QTMAN: variants seen among roughly 807,000 people sequenced by gnomAD.
QTMAN encodes queuosine-tRNA mannosyltransferase, also known as tRNA-queuosine alpha-mannosyltransferase.
chr2:144,286,766 G>C, the QTMAN span, among the ~76,000 whole-genome samples: 5 of 152,096 alleles, frequency 3.3e-5, no homozygotes, highest in Non-Finnish European at 5.9e-5. Flanking sequence ...CCACAGATTT[G>C]AGTGAAGAAA....
the QTMAN span, among the ~76,000 whole-genome samples, chr2:144,186,853 CATCACCTAA>C: frequency 6.6e-6 from 1 of 152,136 alleles, no homozygotes; most frequent in East Asian, 1.9e-4. Context: ...CCAGAAATGT[CATCACCTAA>C]CTCTCCTTTT....
the QTMAN span, among the ~76,000 whole-genome samples, chr2:144,177,892 G>A: frequency 2.6e-5 from 4 of 152,052 alleles, no homozygotes; most frequent in Non-Finnish European, 5.9e-5. Context: ...TAAAAATAAT[G>A]TTTTACATTC....
the QTMAN span, among the ~76,000 whole-genome samples, chr2:144,248,457 A>G: frequency 6.6e-6 from 1 of 152,212 alleles, no homozygotes; most frequent in Admixed American, 6.5e-5. Flanking sequence ...AATGCAACTC[A>G]TCACTCATGG....
the QTMAN span, among the ~76,000 whole-genome samples, chr2:144,096,646 G>T: frequency 6.6e-6 from 1 of 152,222 alleles, no homozygotes; most frequent in African/African-American, 2.4e-5. Flanking sequence ...AAATACGCTT[G>T]AAGCATATCT....
the QTMAN span, among the ~76,000 whole-genome samples, chr2:144,318,250 A>G: frequency 1.1e-3 from 160 of 150,880 alleles, no homozygotes; most frequent in African/African-American, 3.5e-3. Flanking sequence ...GGTCCTTCCT[A>G]AAGTGACTTG....
At chr2:144,218,449 T>A in the QTMAN span, among the ~76,000 whole-genome samples, 2 of 152,206 alleles carry the variant, frequency 1.3e-5, no homozygotes, top group African/African-American at 4.8e-5. Context: ...GCATTTTTTA[T>A]TGGACAGAAA....
At chr2:144,046,850 C>G in the QTMAN span, among the ~76,000 whole-genome samples, 4 of 152,080 alleles carry the variant, frequency 2.6e-5, no homozygotes, top group Non-Finnish European at 5.9e-5. Context: ...ATTAACGGTA[C>G]TTATGAAGAA....
the QTMAN span, among the ~76,000 whole-genome samples, chr2:144,286,511 C>A: frequency 5.3e-5 from 8 of 152,154 alleles, no homozygotes; most frequent in Non-Finnish European, 1.0e-4. Flanking sequence ...TACTTCATTC[C>A]CCTTTTAGAG....
chr2:144,133,286 TATATAA>T, the QTMAN span, among the ~76,000 whole-genome samples: 1 of 63,690 alleles, frequency 1.6e-5, no homozygotes, highest in Non-Finnish European at 2.8e-5. Flanking sequence ...TATATATACA[TATATAA>T]ATATATATGT....
the QTMAN span, among the ~76,000 whole-genome samples, chr2:144,104,895 C>T: frequency 6.6e-6 from 1 of 152,202 alleles, no homozygotes; most frequent in Non-Finnish European, 1.5e-5. Context: ...GCCAGGTAAC[C>T]CTCTGAGACG....
the QTMAN span, among the ~76,000 whole-genome samples, chr2:144,275,201 G>A: frequency 2.0e-4 from 31 of 152,010 alleles, no homozygotes; most frequent in East Asian, 4.5e-3. Context: ...TGGCTAATAC[G>A]GTGAAACCCT....
the QTMAN span, among the ~76,000 whole-genome samples, chr2:144,194,144 A>C: frequency 6.6e-6 from 1 of 152,178 alleles, no homozygotes; most frequent in African/African-American, 2.4e-5. Context: ...TCAGTCACTT[A>C]GGGGAACAGT....
the QTMAN span, among the ~76,000 whole-genome samples, chr2:144,134,879 TC>T: frequency 6.6e-6 from 1 of 152,142 alleles, no homozygotes; most frequent in African/African-American, 2.4e-5. Context: ...AAACATTTGA[TC>T]TTTTTATATT....
the QTMAN span, among the ~76,000 whole-genome samples, chr2:144,043,554 A>G: frequency 3.3e-5 from 5 of 151,042 alleles, no homozygotes; most frequent in Non-Finnish European, 5.9e-5. Flanking sequence ...AATTCCTTGA[A>G]CCCGGGAGGC....
At chr2:144,127,408 A>G in the QTMAN span, among the ~76,000 whole-genome samples, 2 of 152,056 alleles carry the variant, frequency 1.3e-5, no homozygotes, top group Non-Finnish European at 2.9e-5. Context: ...GTTGCTGAAA[A>G]TGACTAGGAC....
chr2:144,246,438 T>C, the QTMAN span, among the ~76,000 whole-genome samples: 1 of 150,002 alleles, frequency 6.7e-6, no homozygotes, highest in Non-Finnish European at 1.5e-5. Context: ...CCGGGCGCGG[T>C]GGCGGGCGCC....
the QTMAN span, among the ~76,000 whole-genome samples, chr2:144,287,383 G>A: frequency 6.6e-6 from 1 of 150,554 alleles, no homozygotes; most frequent in Non-Finnish European, 1.5e-5. Flanking sequence ...TGCAGTGAGT[G>A]AGCCAAGATC....
chr2:144,117,757 T>C, the QTMAN span, among the ~76,000 whole-genome samples: 1 of 152,058 alleles, frequency 6.6e-6, no homozygotes, highest in African/African-American at 2.4e-5. Context: ...TGCATATACA[T>C]AAAATGTTAA....
chr2:144,110,445 G>T, the QTMAN span, among the ~76,000 whole-genome samples: 1 of 151,982 alleles, frequency 6.6e-6, no homozygotes, highest in Non-Finnish European at 1.5e-5. Context: ...AATGTAAATG[G>T]CGAGTTAATA....
Sources: allele counts gnomAD v4.1 joint callset (sites outside exome capture counted in the v4.1 genomes callset), GRCh38; gene constraint gnomAD v4.1.1; transcripts MANE v1.5; gene names NCBI Gene and HGNC (gene_info 2026-07-23, HGNC 2026-07-21).